The following GPC6 variants were observed in gnomAD, a reference collection of about 807,000 sequenced individuals.
GPC6 encodes glypican 6, also known as glypican-6.
GPC6 carries 14 observed loss-of-function variants against 55.2 expected under a neutral mutation model. That is an observed-to-expected ratio of 0.25 (90% CI 0.17 to 0.40). The LOEUF is 0.40. Ranked by LOEUF, GPC6 falls within the 10% of genes least tolerant of loss-of-function variation. The pLI, the probability that GPC6 is intolerant of heterozygous loss-of-function variation, is 1.00. For missense variants in GPC6, 641 were observed against 708.5 expected (o/e 0.90, Z 1.08); for synonymous variants, 278 against 259.6 (o/e 1.07, Z -0.68).
intron 2 of GPC6, among the ~76,000 whole-genome samples, chr13:93,752,895 C>T (rs959599832): frequency 6.6e-6 from 1 of 152,162 alleles, no homozygotes; most frequent in Non-Finnish European, 1.5e-5. Flanking sequence ...ATGGATTCAG[C>T]GGGTTGCACA....
chr13:93,461,316 T>C (rs1878677204), intron 1 of GPC6, among the ~76,000 whole-genome samples: 1 of 152,202 alleles, frequency 6.6e-6, no homozygotes, highest in Non-Finnish European at 1.5e-5. Context: ...AATATGGTTT[T>C]CATAAGGGCA....
At chr13:94,091,952 G>A (rs1885497999) in intron 4 of GPC6, among the ~76,000 whole-genome samples, 1 of 149,544 alleles carries the variant, frequency 6.7e-6, no homozygotes, top group African/African-American at 2.5e-5. Flanking sequence ...GGCAGCCCAA[G>A]CTTATTTTAT....
At chr13:93,316,684 A>G (rs1451322015) in intron 1 of GPC6, among the ~76,000 whole-genome samples, 2 of 152,106 alleles carry the variant, frequency 1.3e-5, no homozygotes, top group African/African-American at 4.8e-5. Context: ...GCTAACACCT[A>G]CAAATATTTA....
chr13:93,953,694 C>T (rs1879368024), intron 3 of GPC6, among the ~76,000 whole-genome samples: 1 of 152,150 alleles, frequency 6.6e-6, no homozygotes, highest in African/African-American at 2.4e-5. Flanking sequence ...TAAGTATCAC[C>T]TTGGCCAGAC....
intron 1 of GPC6, among the ~76,000 whole-genome samples, chr13:93,418,964 T>C (rs1268571477): frequency 6.7e-6 from 1 of 150,336 alleles, no homozygotes; most frequent in African/African-American, 2.5e-5. Context: ...AGCACTATAC[T>C]GTAGTATCAT....
intron 4 of GPC6, among the ~76,000 whole-genome samples, chr13:94,039,027 C>G (rs1024643951): frequency 1.3e-5 from 2 of 151,868 alleles, no homozygotes; most frequent in Admixed American, 6.6e-5. Flanking sequence ...TGGCCTTACC[C>G]CTGCTCAAAT....
chr13:93,831,527 A>G (rs936934460), intron 3 of GPC6, among the ~76,000 whole-genome samples: 3 of 151,170 alleles, frequency 2.0e-5, no homozygotes, highest in Non-Finnish European at 4.4e-5. Context: ...AGTATTTTTC[A>G]TAACTATTGG....
chr13:93,553,092 G>A (rs1198307808), intron 2 of GPC6, among the ~76,000 whole-genome samples: 2 of 152,134 alleles, frequency 1.3e-5, no homozygotes, highest in East Asian at 3.9e-4. Flanking sequence ...TCTCCAGTGA[G>A]GCCTGATCTT....
intron 2 of GPC6, among the ~76,000 whole-genome samples, chr13:93,665,417 T>C (rs890548968): frequency 6.6e-6 from 1 of 152,190 alleles, no homozygotes; most frequent in Admixed American, 6.5e-5. Context: ...TATAGGTCTA[T>C]AGATAACTAT....
intron 3 of GPC6, among the ~76,000 whole-genome samples, chr13:93,905,786 G>A (rs1394400239): frequency 6.6e-6 from 1 of 152,132 alleles, no homozygotes; most frequent in Non-Finnish European, 1.5e-5. Flanking sequence ...TGAATTTCAT[G>A]TTTGGTCAAG....
intron 1 of GPC6, among the ~76,000 whole-genome samples, chr13:93,512,896 G>A (rs1881038359): frequency 6.6e-6 from 1 of 152,066 alleles, no homozygotes; most frequent in South Asian, 2.1e-4. Context: ...TTATAGAACT[G>A]AGAATGATAA....
In GPC6 at chr13:94,221,635, T is replaced by C. The variant is rs1395643111; in HGVS notation, c.878-64714T>C. ...ACACTAACCTCATATGACAGAATCA[T>C]GTTTGAATCCTGTGTGTTTGACTTG... On this transcript the variant is annotated intron_variant, in intron 4 of 8. Coordinates refer to ENST00000377047, the MANE Select transcript of GPC6 (RefSeq NM_005708.5). Among the ~76,000 whole-genome samples the C allele has an allele frequency of 2.6e-5, 4 of 152,138 alleles. No individual in the cohort carries two copies. The East Asian group carries it at 7.7e-4, about 29-fold the overall frequency.
intron 1 of GPC6, among the ~76,000 whole-genome samples, chr13:93,415,096 T>C (rs1005561880): frequency 2.0e-4 from 30 of 152,234 alleles, no homozygotes; most frequent in African/African-American, 6.7e-4. Flanking sequence ...CAGACTCAAC[T>C]GCATTCAAAT....
At chr13:93,912,165 A>T (rs1053483648) in intron 3 of GPC6, among the ~76,000 whole-genome samples, 5 of 152,144 alleles carry the variant, frequency 3.3e-5, no homozygotes, top group Non-Finnish European at 7.4e-5. Flanking sequence ...GTATATGAAA[A>T]TATTCTACCA....
chr13:93,887,119 A>T (rs1259021456), intron 3 of GPC6, among the ~76,000 whole-genome samples: 1 of 152,064 alleles, frequency 6.6e-6, no homozygotes, highest in East Asian at 1.9e-4. Context: ...GTCATATTTT[A>T]AAATATGATG....
intron 8 of GPC6, among the ~76,000 whole-genome samples, chr13:94,399,951 A>G (rs1566760671): frequency 6.6e-6 from 1 of 152,192 alleles, no homozygotes; most frequent in Non-Finnish European, 1.5e-5. Context: ...TCTATCATCT[A>G]GAGAGTGGCT....
intron 2 of GPC6, among the ~76,000 whole-genome samples, chr13:93,713,050 A>T (rs752395815): frequency 1.1e-4 from 16 of 151,498 alleles, no homozygotes; most frequent in Non-Finnish European, 1.6e-4. Flanking sequence ...TTTATTAAAA[A>T]CCTCTTAGCA....
intron 6 of GPC6, among the ~76,000 whole-genome samples, chr13:94,348,003 G>A (rs1217639686): frequency 6.6e-6 from 1 of 152,154 alleles, no homozygotes; most frequent in African/African-American, 2.4e-5. Context: ...CTATGCAGCC[G>A]TTCATCTGAT....
intron 3 of GPC6, among the ~76,000 whole-genome samples, chr13:93,990,454 T>C (rs1881245856): frequency 6.6e-6 from 1 of 151,918 alleles, no homozygotes; most frequent in African/African-American, 2.4e-5. Flanking sequence ...AAATGTACAG[T>C]TGGGAGAAAA....
Sources: allele counts gnomAD v4.1 joint callset (sites outside exome capture counted in the v4.1 genomes callset), GRCh38; gene constraint gnomAD v4.1.1; transcripts MANE v1.5; gene names NCBI Gene and HGNC (gene_info 2026-07-23, HGNC 2026-07-21).